ZNF430: variants seen among roughly 807,000 people sequenced by gnomAD.
ZNF430 encodes the protein zinc finger protein 430.
In ZNF430, 35 loss-of-function variants were observed where a neutral mutation model predicts 56.7. The observed-to-expected ratio is 0.62, with a 90% confidence interval of 0.47 to 0.82. The LOEUF (loss-of-function observed/expected upper bound fraction) is 0.82. Ranked by LOEUF, ZNF430 falls within the 40% of genes least tolerant of loss-of-function variation. The probability of loss-of-function intolerance (pLI) is 0.00; values close to 1 mark genes in which losing one functional copy is unlikely to be tolerated. For missense variants in ZNF430, 574 were observed against 661.0 expected, an observed-to-expected ratio of 0.87 and a Z score of 1.44; for synonymous variants, 212 against 224.3, an observed-to-expected ratio of 0.94 and a Z score of 0.49.
chr19:21,053,226 C>T (rs981160299), intron 4 of ZNF430, among the ~76,000 whole-genome samples: 1 of 151,860 alleles, frequency 6.6e-6, no homozygotes, highest in Middle Eastern at 3.4e-3. Flanking sequence ...GACCTATAGG[C>T]GCCTGGCTAC....
At chr19:21,026,885 A>C (rs1387559571) in intron 2 of ZNF430, among the ~76,000 whole-genome samples, 2 of 116,522 alleles carry the variant, frequency 1.7e-5, no homozygotes, top group East Asian at 5.9e-4. Context: ...GCTGGAGTGC[A>C]GTGGTGTGAT....
At chr19:21,034,754 G>T (rs1046520194) in intron 4 of ZNF430, 1 of 152,130 alleles carries the variant, frequency 6.6e-6, no homozygotes, top group Non-Finnish European at 1.5e-5. Flanking sequence ...GGGCAGGCTG[G>T]TCTCAAACTC....
intron 2 of ZNF430, 137 bp downstream of exon 2, chr19:21,023,018 C>A: frequency 8.6e-6 from 5 of 582,760 alleles, no homozygotes; most frequent in South Asian, 7.1e-5. Flanking sequence ...TCTAAGGGGG[C>A]AGAAAAATAG....
At chr19:21,050,258 A>G (rs768145392) in intron 4 of ZNF430, among the ~76,000 whole-genome samples, 1 of 152,070 alleles carries the variant, frequency 6.6e-6, no homozygotes, top group Non-Finnish European at 1.5e-5. Context: ...TTTACATTCC[A>G]TATTTTTCTT....
Position 21,033,505 on chromosome 19 carries a change from G to A in ZNF430, c.146G>A (p.Trp49Ter). The A allele has an allele frequency of 6.2e-7, 1 of 1,611,912 alleles. No individual in the cohort carries two copies. Among genetic ancestry groups the A allele is most frequent in the Non-Finnish European group, 8.5e-7 (1 of 1,178,984 alleles). Residue 49 changes from tryptophan (W) to a stop codon, truncating the protein, a stop_gained, in exon 3 of 5, where the codon TGG becomes TAG. Transcript: ENST00000261560. LOFTEE classifies it high-confidence loss of function. ...GCCATAGAATTTTCTCTGGAGGAGT[G>A]GCAATGCCTGGACACTGCTCAGCAG... ...DVAIEFSLEE[W>*]QCLDTAQQDL...
intron 4 of ZNF430, among the ~76,000 whole-genome samples, chr19:21,043,286 TA>T (rs1968138631): frequency 6.6e-6 from 1 of 152,220 alleles, no homozygotes; most frequent in Admixed American, 6.5e-5. Context: ...CATCTTGAGT[TA>T]ACTTTTGTAC....
At chr19:21,045,701 T>C (rs12975789) in intron 4 of ZNF430, among the ~76,000 whole-genome samples, 104,960 of 152,054 alleles carry the variant, frequency 0.69, 40,187 homozygotes, top group East Asian at 0.87. Context: ...GTGTGGGAGT[T>C]TGTTTAAGTC....
intron 4 of ZNF430, among the ~76,000 whole-genome samples, chr19:21,052,875 A>G (rs1029084370): frequency 1.3e-5 from 2 of 152,124 alleles, no homozygotes; most frequent in Non-Finnish European, 2.9e-5. Context: ...GTCTTGCAAG[A>G]TTGAGTGTCT....
intron 3 of ZNF430, 199 bp downstream of exon 3, chr19:21,033,781 G>A: frequency 1.6e-6 from 1 of 636,730 alleles, no homozygotes; most frequent in African/African-American, 1.9e-5. Flanking sequence ...CCACATTCCT[G>A]GGCTGATCTG....
rs1196689309 is a variant in ZNF430 at position 21,054,666 on chromosome 19, C to T, written c.323-1965C>T. 5.1e-5 allele frequency among the ~76,000 whole-genome samples: 6 copies of T among 117,522 alleles called. No individual in the cohort carries two copies. In the South Asian group the frequency reaches 1.7e-3, roughly 33 times the overall value. The allele number at this position is 117,522 out of a possible 152,430, so 77.1% of individuals were successfully genotyped here. A position where few individuals can be genotyped will look rare whatever the true frequency, so the allele number is the denominator to read the frequency against. The stretch of plus-strand genomic sequence containing the variant: ...TGTTTTTTGAGCTTCTTCATTTTTA[C>T]GTCTTTTTTTTTTTTTTTTTTTTTT... On this transcript the variant is annotated intron_variant, in intron 4 of 4. Coordinates refer to ENST00000261560, the MANE Select transcript of ZNF430 (RefSeq NM_025189.4).
chr19:21,020,841 GGGCTGGTTGTAATGGGTGGGAAGT>G (rs1460470879), intron 1 of ZNF430, 38 bp downstream of exon 1: 2 of 1,613,540 alleles, frequency 1.2e-6, no homozygotes, highest in African/African-American at 1.3e-5. Flanking sequence ...GAGAGGGGAG[GGGCTGGTTGTAATGGGTGGGAAGT>G]GGCTGTGGCG....
chr19:21,045,571 A>G (rs571162247), intron 4 of ZNF430, among the ~76,000 whole-genome samples: 3 of 152,304 alleles, frequency 2.0e-5, no homozygotes, highest in Admixed American at 6.5e-5. Context: ...AGTTCTGTAG[A>G]TATCTATCAG....
At chr19:21,037,220 T>C (rs1170386438) in intron 4 of ZNF430, among the ~76,000 whole-genome samples, 4 of 151,918 alleles carry the variant, frequency 2.6e-5, no homozygotes. Flanking sequence ...GTTCAAGCGA[T>C]TCTCCTGCCT....
intron 2 of ZNF430, among the ~76,000 whole-genome samples, chr19:21,028,255 C>G (rs932662656): frequency 8.5e-5 from 13 of 152,106 alleles, no homozygotes; most frequent in Non-Finnish European, 1.8e-4. Context: ...AGTGATTTGC[C>G]ACAGTTATGT....
At chr19:21,033,659 T>C in intron 3 of ZNF430, 77 bp downstream of exon 3, 1 of 1,464,104 alleles carries the variant, frequency 6.8e-7, no homozygotes, top group Non-Finnish European at 9.1e-7. Flanking sequence ...TAATTTTTGG[T>C]AATTTATGCT....
At chr19:21,046,317 C>CAAA (rs60881206) in intron 4 of ZNF430, among the ~76,000 whole-genome samples, 2 of 110,116 alleles carry the variant, frequency 1.8e-5, no homozygotes, top group African/African-American at 7.8e-5. Context: ...GACTCCATCT[C>CAAA]AAAAAAAAAA....
chr19:21,031,600 G>T (rs1254268885), intron 2 of ZNF430, among the ~76,000 whole-genome samples: 1 of 152,112 alleles, frequency 6.6e-6, no homozygotes, highest in Non-Finnish European at 1.5e-5. Flanking sequence ...TTTTCTGCAG[G>T]ACCTTCCTTC....
At chr19:21,048,400 T>C (rs1275592609) in intron 4 of ZNF430, among the ~76,000 whole-genome samples, 1 of 151,450 alleles carries the variant, frequency 6.6e-6, no homozygotes, top group African/African-American at 2.4e-5. Context: ...ACGAGCATGC[T>C]GCCTTCAAGC....
intron 2 of ZNF430, among the ~76,000 whole-genome samples, chr19:21,029,249 CA>C (rs889304584): frequency 7.9e-5 from 12 of 151,446 alleles, no homozygotes; most frequent in Non-Finnish European, 1.6e-4. Context: ...TAGATGTGTC[CA>C]AAAAAAATTG....
Sources: allele counts gnomAD v4.1 joint callset (sites outside exome capture counted in the v4.1 genomes callset), GRCh38; gene constraint gnomAD v4.1.1; transcripts MANE v1.5; gene names NCBI Gene and HGNC (gene_info 2026-07-23, HGNC 2026-07-21).